The following ZBTB7C variants were observed in gnomAD, a reference collection of about 807,000 sequenced individuals.
The protein encoded by ZBTB7C is zinc finger and BTB domain containing 7C, also known as zinc finger and BTB domain-containing protein 7C.
ZBTB7C carries 8 observed loss-of-function variants against 25.7 expected under a neutral mutation model. The observed-to-expected ratio is 0.31, with a 90% confidence interval of 0.18 to 0.56. The LOEUF is 0.56. ZBTB7C is among the 20% of genes least tolerant of loss of function. The probability of loss-of-function intolerance (pLI) is 0.91; values close to 1 mark genes in which losing one functional copy is unlikely to be tolerated. For missense variants in ZBTB7C, 824 were observed against 855.2 expected, an observed-to-expected ratio of 0.96 and a Z score of 0.46; for synonymous variants, 394 against 369.0, an observed-to-expected ratio of 1.07 and a Z score of -0.78.
intron 2 of ZBTB7C, among the ~76,000 whole-genome samples, chr18:48,280,692 T>C (rs2044814583): frequency 6.6e-6 from 1 of 152,054 alleles, no homozygotes; most frequent in Admixed American, 6.5e-5. Context: ...GTTACACACC[T>C]ACGGAGCCAG....
chr18:48,063,150 G>A (rs2037187699), intron 3 of ZBTB7C, among the ~76,000 whole-genome samples: 1 of 152,228 alleles, frequency 6.6e-6, no homozygotes, highest in South Asian at 2.1e-4. Context: ...TGAAGCATTG[G>A]AAGTCCTGCA....
chr18:48,396,733 A>T (rs976927666), intron 1 of ZBTB7C, among the ~76,000 whole-genome samples: 3 of 152,198 alleles, frequency 2.0e-5, no homozygotes, highest in African/African-American at 7.2e-5. Context: ...CTGTCCACTC[A>T]TCACCCCAAC....
chr18:48,336,967 T>C (rs1002138878), intron 2 of ZBTB7C, among the ~76,000 whole-genome samples: 1 of 152,212 alleles, frequency 6.6e-6, no homozygotes, highest in Admixed American at 6.5e-5. Context: ...CCAGAGACCC[T>C]GGAGCTCAAT....
chr18:48,218,171 G>C (rs1371824118), intron 2 of ZBTB7C, among the ~76,000 whole-genome samples: 1 of 152,186 alleles, frequency 6.6e-6, no homozygotes, highest in African/African-American at 2.4e-5. Flanking sequence ...CTTCCCTTGT[G>C]GCCTTGGGTA....
chr18:48,367,202 T>TATATATATATAC lies in ZBTB7C; in HGVS notation c.-303-28805_-303-28804insGTATATATATAT, dbSNP rs1302394192. ...ATATATATATATATATATATATATATACACACACACACACACACACACACA... is the reference window on the plus strand; with the variant it reads ...ATATATATATATATATATATATATATATATATATATACACACACACACACACACACACACACA... On this transcript the variant is annotated intron_variant, in intron 1 of 4. Coordinates refer to ENST00000590800, the MANE Select transcript of ZBTB7C (RefSeq NM_001318841.2). Among the ~76,000 whole-genome samples the TATATATATATAC allele has an allele frequency of 4.9e-3, 309 of 63,314 alleles. 3 individuals carry two copies. Among genetic ancestry groups the TATATATATATAC allele is most frequent in the East Asian group, 0.014 (37 of 2,650 alleles). 41.5% of individuals were successfully genotyped at this position (63,314 alleles called of 152,430 possible).
chr18:48,200,067 C>A (rs1367787768), intron 2 of ZBTB7C, among the ~76,000 whole-genome samples: 1 of 151,796 alleles, frequency 6.6e-6, no homozygotes, highest in Non-Finnish European at 1.5e-5. Context: ...TGCAAAGGAA[C>A]CCTTAGCCAC....
Position 48,040,157 on chromosome 18 carries a change from C to A in ZBTB7C, c.951G>T (p.Leu317=). 6.3e-7 allele frequency: 1 copy of A among 1,577,798 alleles called. No individual in the cohort carries two copies. The highest frequency in any genetic ancestry group is 1.2e-5 in the South Asian group (1 of 84,274). The part of the protein sequence containing the change: ...NDFFKDMFPD[L]PGGPLGPIKA... ...TGATGGGTCCCAGAGGCCCCCCCGG[C>A]AGGTCAGGGAACATGTCCTTGAAGA... Residue 317 remains leucine (L), a synonymous_variant, in exon 4 of 5, where the codon CTG becomes CTT. Coordinates refer to ENST00000590800, the MANE Select transcript of ZBTB7C (RefSeq NM_001318841.2).
intron 1 of ZBTB7C, among the ~76,000 whole-genome samples, chr18:48,370,248 A>C (rs1040878279): frequency 3.3e-5 from 5 of 152,228 alleles, no homozygotes; most frequent in African/African-American, 1.2e-4. Flanking sequence ...AAAAAAGAAC[A>C]AACTATTGAT....
chr18:48,325,381 G>T (rs8096393), intron 2 of ZBTB7C, among the ~76,000 whole-genome samples: 1 of 152,246 alleles, frequency 6.6e-6, no homozygotes, highest in Admixed American at 6.5e-5. Flanking sequence ...TCTGGTGGCA[G>T]TTGGCCATTG....
At chr18:48,323,727 G>A (rs1024203159) in intron 2 of ZBTB7C, among the ~76,000 whole-genome samples, 2 of 152,164 alleles carry the variant, frequency 1.3e-5, no homozygotes, top group African/African-American at 4.8e-5. Context: ...TGTGGGCTGT[G>A]CAGTGAGTAA....
intron 3 of ZBTB7C, among the ~76,000 whole-genome samples, chr18:48,091,860 G>A (rs760647977): frequency 9.9e-5 from 15 of 152,270 alleles, no homozygotes; most frequent in African/African-American, 2.6e-4. Flanking sequence ...GGTGGCCTCC[G>A]TTTATCCCAT....
In ZBTB7C at chr18:48,309,093, C is replaced by T. The variant is rs898566988; in HGVS notation, c.-79+29081G>A. 3.9e-5 allele frequency among the ~76,000 whole-genome samples: 6 copies of T among 152,224 alleles called. No individual in the cohort carries two copies. The South Asian group carries it at 6.2e-4, about 16-fold the overall frequency. ...CCTCTCAGGCTTGGCCACAGGACTGCGGAGATGAGGGAAAGAAAAAGAGGT... is the reference window on the plus strand; with the variant it reads ...CCTCTCAGGCTTGGCCACAGGACTGTGGAGATGAGGGAAAGAAAAAGAGGT... On this transcript the variant is annotated intron_variant, in intron 2 of 4. Coordinates refer to ENST00000590800, the MANE Select transcript of ZBTB7C (RefSeq NM_001318841.2).
intron 3 of ZBTB7C, among the ~76,000 whole-genome samples, chr18:48,131,186 G>T (rs1041151482): frequency 3.3e-5 from 5 of 152,254 alleles, no homozygotes; most frequent in African/African-American, 9.6e-5. Flanking sequence ...TTACAGGCGT[G>T]AGCCATGGCA....
intron 1 of ZBTB7C, among the ~76,000 whole-genome samples, chr18:48,368,075 C>T (rs2047292258): frequency 6.6e-6 from 1 of 151,798 alleles, no homozygotes; most frequent in Non-Finnish European, 1.5e-5. Flanking sequence ...TACCAAGAAC[C>T]AGGGAGATCC....
chr18:48,233,589 C>T (rs977580221), intron 2 of ZBTB7C, among the ~76,000 whole-genome samples: 1 of 152,212 alleles, frequency 6.6e-6, no homozygotes, highest in Non-Finnish European at 1.5e-5. Flanking sequence ...CCTGCTTTCC[C>T]CAGCTTCCTA....
intron 3 of ZBTB7C, among the ~76,000 whole-genome samples, chr18:48,146,254 T>C (rs748334793): frequency 3.3e-5 from 5 of 152,214 alleles, no homozygotes; most frequent in Non-Finnish European, 7.4e-5. Flanking sequence ...TCAATAATAA[T>C]TATGTTTTAT....
chr18:48,382,170 C>T (rs977309431), intron 1 of ZBTB7C, among the ~76,000 whole-genome samples: 2 of 152,088 alleles, frequency 1.3e-5, no homozygotes, highest in Non-Finnish European at 2.9e-5. Context: ...GAAGCCAATG[C>T]CTAAAACTGA....
At chr18:48,057,324 C>A (rs1476449026) in intron 3 of ZBTB7C, among the ~76,000 whole-genome samples, 1 of 151,904 alleles carries the variant, frequency 6.6e-6, no homozygotes, top group Admixed American at 6.6e-5. Context: ...CTATAGCCAA[C>A]AATTGGAAGT....
intron 3 of ZBTB7C, among the ~76,000 whole-genome samples, chr18:48,096,104 C>G (rs2038621961): frequency 6.6e-6 from 1 of 152,174 alleles, no homozygotes; most frequent in Non-Finnish European, 1.5e-5. Flanking sequence ...ACCCGCCCAG[C>G]TCTTTTATAG....
Sources: allele counts gnomAD v4.1 joint callset (sites outside exome capture counted in the v4.1 genomes callset), GRCh38; gene constraint gnomAD v4.1.1; transcripts MANE v1.5; gene names NCBI Gene and HGNC (gene_info 2026-07-23, HGNC 2026-07-21).